Variants in PPARG observed in about 807,000 individuals in gnomAD.
PPARG encodes the protein peroxisome proliferator activated receptor gamma, also known as peroxisome proliferator-activated receptor gamma.
In PPARG, 17 loss-of-function variants were observed where a neutral mutation model predicts 39.2. The observed-to-expected ratio is 0.43, with a 90% confidence interval of 0.30 to 0.65. The LOEUF (loss-of-function observed/expected upper bound fraction) is 0.65. Ranked by LOEUF, PPARG falls within the 30% of genes least tolerant of loss-of-function variation. The pLI is 0.13. For missense variants in PPARG, 406 were observed against 585.9 expected (o/e 0.69, Z 3.17); for synonymous variants, 223 against 215.7 (o/e 1.03, Z -0.30).
intron 1 of PPARG, among the ~76,000 whole-genome samples, chr3:12,296,158 A>G (rs1357409166): frequency 6.7e-6 from 1 of 149,920 alleles, no homozygotes; most frequent in Non-Finnish European, 1.5e-5. Context: ...TGACTGAGAC[A>G]GGAGAATCAC....
chr3:12,358,579 G>A (rs919586033), intron 2 of PPARG, among the ~76,000 whole-genome samples: 2 of 152,068 alleles, frequency 1.3e-5, no homozygotes, highest in Non-Finnish European at 2.9e-5. Flanking sequence ...TTTACCTAAA[G>A]CCCTGCCTTT....
intron 2 of PPARG, chr3:12,372,118 AC>A (rs1267970581): frequency 4.2e-6 from 3 of 720,430 alleles, no homozygotes; most frequent in Admixed American, 2.0e-5. Context: ...TCAGGCACGT[AC>A]TCTTGTTGCC....
intron 7 of PPARG, among the ~76,000 whole-genome samples, chr3:12,431,484 A>G (rs2051656951): frequency 6.6e-6 from 1 of 152,228 alleles, no homozygotes; most frequent in South Asian, 2.1e-4. Context: ...AAGTAAACCT[A>G]AAGAAAGTTT....
intron 7 of PPARG, among the ~76,000 whole-genome samples, chr3:12,430,429 T>C (rs1199411979): frequency 6.6e-6 from 1 of 152,242 alleles, no homozygotes; most frequent in African/African-American, 2.4e-5. Flanking sequence ...TAATAAGGAA[T>C]AAGAGCAGAG....
intron 2 of PPARG, among the ~76,000 whole-genome samples, chr3:12,316,606 T>C (rs2047395466): frequency 1.3e-5 from 2 of 152,062 alleles, no homozygotes; most frequent in Admixed American, 6.5e-5. Flanking sequence ...TTATACAGTT[T>C]TAAAAACTAA....
chr3:12,351,789 A>C (rs1575040356), intron 2 of PPARG: 2 of 804,122 alleles, frequency 2.5e-6, no homozygotes, highest in East Asian at 2.5e-5. Context: ...TCATGTGTAC[A>C]CTCCAGTATT....
chr3:12,304,452 A>G (rs2124965267), intron 1 of PPARG, among the ~76,000 whole-genome samples: 1 of 152,284 alleles, frequency 6.6e-6, no homozygotes, highest in South Asian at 2.1e-4. Flanking sequence ...ATTTTGGGGG[A>G]AATTCTAGAA....
In PPARG at chr3:12,416,961, C is replaced by G; in HGVS notation, c.987C>G (p.Ala329=). 6.2e-7 allele frequency: 1 copy of G among 1,614,088 alleles called. No individual in the cohort carries two copies. The highest frequency in any genetic ancestry group is 2.2e-5 in the East Asian group (1 of 44,874). ...ACGAGATCATTTACACAATGCTGGC[C>G]TCCTTGATGAATAAAGATGGGGTTC... is the stretch of plus-strand genomic sequence containing the variant. The part of the protein sequence containing the change: ...GVHEIIYTML[A]SLMNKDGVLI... The change falls in exon 7 of 8, where the codon GCC becomes GCG. Residue 329 remains alanine (A), a synonymous_variant. Coordinates refer to ENST00000651735, the MANE Select transcript of PPARG (RefSeq NM_138711.6).
intron 2 of PPARG, among the ~76,000 whole-genome samples, chr3:12,313,795 A>G (rs1402070216): frequency 1.3e-5 from 2 of 152,234 alleles, no homozygotes; most frequent in African/African-American, 4.8e-5. Flanking sequence ...AATCTGATTT[A>G]TAAATAAAAT....
rs1362314742 is a variant in PPARG, at chr3:12,325,668, AT to A, written c.-9+13229del. Among the ~76,000 whole-genome samples the A allele has an allele frequency of 3.0e-3, 423 of 142,720 alleles. 1 individual carries two copies. The highest frequency in any genetic ancestry group is 7.5e-3 in the African/African-American group (293 of 39,206). 93.6% of individuals were successfully genotyped at this position (142,720 alleles called of 152,430 possible). On this transcript the variant is annotated intron_variant, in intron 2 of 7. Transcript: ENST00000651735. ...TTCCCAGTCTTTTTTCTCCACTTTGATTTTTTTTTTTTTTCTCAATCTCTTC... is the reference window on the plus strand; with the variant it reads ...TTCCCAGTCTTTTTTCTCCACTTTGATTTTTTTTTTTTTCTCAATCTCTTC...
intron 2 of PPARG, among the ~76,000 whole-genome samples, chr3:12,319,153 G>A (rs143123507): frequency 2.5e-4 from 38 of 152,296 alleles, no homozygotes; most frequent in South Asian, 1.2e-3. Flanking sequence ...GGAATACATA[G>A]TGTGCTCTCC....
intron 2 of PPARG, among the ~76,000 whole-genome samples, chr3:12,342,792 G>T (rs116651680): frequency 0.012 from 1,784 of 151,126 alleles, 44 homozygotes; most frequent in African/African-American, 0.041. Flanking sequence ...ATAATGAAAG[G>T]TGGTTTTTTT....
chr3:12,347,088 C>A (rs1210227489), intron 2 of PPARG, among the ~76,000 whole-genome samples: 1 of 151,684 alleles, frequency 6.6e-6, no homozygotes, highest in African/African-American at 2.4e-5. Context: ...GAGACTGAGG[C>A]AGGAGAATTT....
intron 4 of PPARG, among the ~76,000 whole-genome samples, chr3:12,386,840 G>A (rs1363988599): frequency 6.6e-6 from 1 of 151,976 alleles, no homozygotes; most frequent in Non-Finnish European, 1.5e-5. Context: ...ATTTACATTA[G>A]GTATTTCTCC....
chr3:12,367,202 T>C (rs2049045239), intron 2 of PPARG, among the ~76,000 whole-genome samples: 1 of 152,216 alleles, frequency 6.6e-6, no homozygotes, highest in African/African-American at 2.4e-5. Context: ...TTAATGTCAA[T>C]GAGATCTGTA....
At chr3:12,323,587 T>C (rs183611785) in intron 2 of PPARG, among the ~76,000 whole-genome samples, 32 of 152,320 alleles carry the variant, frequency 2.1e-4, no homozygotes, top group African/African-American at 7.0e-4. Flanking sequence ...TCATTGTCCC[T>C]ATTTGACAGG....
upstream of PPARG, among the ~76,000 whole-genome samples, chr3:12,288,216 C>A (rs1222897729): frequency 6.6e-6 from 1 of 151,690 alleles, no homozygotes; most frequent in Non-Finnish European, 1.5e-5. Flanking sequence ...GAGGCAGGGT[C>A]ATGGTCCGGC....
intron 2 of PPARG, among the ~76,000 whole-genome samples, chr3:12,316,589 G>T (rs2047394983): frequency 6.6e-6 from 1 of 151,624 alleles, no homozygotes; most frequent in South Asian, 2.1e-4. Flanking sequence ...TTTATATTGT[G>T]TATATTTTAT....
chr3:12,381,059 G>A (rs1374695699), intron 3 of PPARG, among the ~76,000 whole-genome samples: 2 of 152,124 alleles, frequency 1.3e-5, no homozygotes, highest in East Asian at 1.9e-4. Context: ...AGTATTGCAG[G>A]CTACTGGGGG....
Sources: gnomAD v4.1 joint callset for allele counts (sites outside exome capture counted in the v4.1 genomes callset) on GRCh38, gnomAD v4.1.1 for gene constraint, MANE v1.5 for transcripts, NCBI Gene and HGNC (gene_info 2026-07-23, HGNC 2026-07-21) for gene names.